Variants in TULP3 observed in about 807,000 individuals in gnomAD.
TULP3 encodes the protein tubby-related protein 3.
In TULP3, 38 loss-of-function variants were observed where a neutral mutation model predicts 50.7. The ratio of observed to expected loss-of-function variants is 0.75; its 90% CI spans 0.58 to 0.98. The LOEUF (loss-of-function observed/expected upper bound fraction) is 0.98, where lower values mean the gene tolerates loss of function less well. TULP3 is among the 50% of genes least tolerant of loss of function. The pLI is 0.00. For missense variants in TULP3, 550 were observed against 568.0 expected (o/e 0.97, Z 0.32); for synonymous variants, 183 against 196.6 (o/e 0.93, Z 0.58).
At position 2,922,319 on chromosome 12, in the gene TULP3, G is replaced by C; in HGVS notation, c.311G>C (p.Ser104Thr). The change falls in exon 4 of 11, where the codon AGC becomes ACC. Residue 104 changes from serine to threonine, a missense_variant. Transcript: ENST00000448120. ...GACGAAGTTCATGCTCCATCAGTAA[G>C]CTCCTCTGTTGTGGAAGAAGATGCT... Reference protein sequence around the residue: ...KPDEVHAPSVSSSVVEEDAEN... With the variant: ...KPDEVHAPSVTSSVVEEDAEN... 6.2e-7 allele frequency: 1 copy of C among 1,614,130 alleles called. No homozygotes were observed. Among genetic ancestry groups the C allele is most frequent in the Non-Finnish European group, 8.5e-7 (1 of 1,180,022 alleles).
At chr12:2,911,357 T>G (rs1384958372) in intron 2 of TULP3, among the ~76,000 whole-genome samples, 5 of 144,376 alleles carry the variant, frequency 3.5e-5, no homozygotes, top group Admixed American at 2.1e-4. Flanking sequence ...AGTCAGTGAA[T>G]TTTTTTTTTT....
rs2098197733 is a variant in TULP3, at chr12:2,931,069, C to T, written c.525C>T (p.Ala175=). 1 of 1,613,978 alleles carries T rather than the reference C, an allele frequency of 6.2e-7. No individual in the cohort carries two copies. The highest frequency in any genetic ancestry group is 8.5e-7 in the Non-Finnish European group (1 of 1,180,044). ...DTGTSGSATA[A]QPADNLLGDI... ...GCACTTCCGGTTCTGCTACTGCCGC[C>T]CAACCAGCTGATAACCTCCTGGGAG... Residue 175 remains alanine, a synonymous_variant, in exon 6 of 11, where the codon GCC becomes GCT. Transcript: ENST00000448120.
chr12:2,931,414 C>T (rs2098197986), intron 6 of TULP3, among the ~76,000 whole-genome samples, 174 bp downstream of exon 6: 1 of 152,190 alleles, frequency 6.6e-6, no homozygotes, highest in South Asian at 2.1e-4. Context: ...AGCTCATGGT[C>T]TAATAGGCAG....
rs1217637202 is a variant in TULP3, at chr12:2,933,481, G to C, written c.760G>C (p.Asp254His). The change falls in exon 7 of 11, where the codon GAT becomes CAT. Residue 254 changes from aspartate to histidine, a missense_variant. Coordinates refer to ENST00000448120, the MANE Select transcript of TULP3 (RefSeq NM_003324.5). ...SKTANYLISI[D>H]PVDLSREGES... The stretch of plus-strand genomic sequence containing the variant: ...AACAGCCAACTACCTTATCTCCATT[G>C]ATCCAGTTGATTTATCTCGTGAAGG... 4 of 1,614,008 alleles carry C rather than the reference G, an allele frequency of 2.5e-6. No homozygotes were observed. The highest frequency in any genetic ancestry group is 3.4e-6 in the Non-Finnish European group (4 of 1,179,982).
intron 2 of TULP3, among the ~76,000 whole-genome samples, chr12:2,911,488 G>T (rs1164375546): frequency 2.6e-5 from 4 of 151,172 alleles, no homozygotes; most frequent in African/African-American, 9.7e-5. Flanking sequence ...AAGTAGCTAG[G>T]ACTACAGGCG....
At chr12:2,923,061 T>C (rs1440770431) in intron 4 of TULP3, among the ~76,000 whole-genome samples, 1 of 151,890 alleles carries the variant, frequency 6.6e-6, no homozygotes, top group African/African-American at 2.4e-5. Flanking sequence ...TTCACGGTGT[T>C]AGCCAGGATG....
Position 2,939,850 on chromosome 12 carries a change from A to T in TULP3, c.*406A>T. The T allele has an allele frequency of 8.4e-7, 1 of 1,194,866 alleles. No individual in the cohort carries two copies. Among genetic ancestry groups the T allele is most frequent in the Non-Finnish European group, 1.1e-6 (1 of 944,226 alleles). 74.0% of individuals were successfully genotyped at this position (1,194,866 alleles called of 1,614,324 possible). On this transcript the variant is annotated 3_prime_UTR_variant, in exon 11 of 11. Coordinates refer to ENST00000448120, the MANE Select transcript of TULP3 (RefSeq NM_003324.5). The surrounding 1 kb of genome is among the most constrained non-coding windows in gnomAD (Gnocchi z 4.0). ...CTCTCACTCCTTTTCCAGGTTTCAT[A>T]GACTTGGTGAGGGATCACAGCTTAG...
At chr12:2,891,377 A>C (rs1168504780) in intron 1 of TULP3, among the ~76,000 whole-genome samples, 1 of 151,954 alleles carries the variant, frequency 6.6e-6, no homozygotes, top group African/African-American at 2.4e-5. Flanking sequence ...CCCTCCCGGG[A>C]GGCGGTGCGG....
At position 2,938,164 on chromosome 12, in the gene TULP3, G is replaced by C. The variant is rs758148903; in HGVS notation, c.1074G>C (p.Leu358=). Residue 358 remains leucine (L), a synonymous_variant, in exon 10 of 11, where the codon CTG becomes CTC. Coordinates refer to ENST00000448120, the MANE Select transcript of TULP3 (RefSeq NM_003324.5). ...SRWQNRTMEN[L]VELHNKAPVW... Reference sequence around the variant, plus strand: ...GGCAGAACAGAACTATGGAAAATCTGGTTGAGCTGCACAACAAGGCCCCCG... The same window carrying C: ...GGCAGAACAGAACTATGGAAAATCTCGTTGAGCTGCACAACAAGGCCCCCG... 1 of 1,614,052 alleles carries C rather than the reference G, an allele frequency of 6.2e-7. No individual in the cohort carries two copies. The highest frequency in any genetic ancestry group is 8.5e-7 in the Non-Finnish European group (1 of 1,180,046).
At chr12:2,924,450 G>T (rs941853905) in intron 4 of TULP3, among the ~76,000 whole-genome samples, 2 of 152,090 alleles carry the variant, frequency 1.3e-5, no homozygotes, top group Non-Finnish European at 2.9e-5. Context: ...GGCTGAGGTG[G>T]GAGTATTGCT....
intron 4 of TULP3, among the ~76,000 whole-genome samples, chr12:2,929,360 G>A (rs1017418852): frequency 6.6e-6 from 1 of 152,102 alleles, no homozygotes; most frequent in African/African-American, 2.4e-5. Context: ...CCCAGGCTGG[G>A]GTGCAGTGGC....
rs143303796 is a variant in TULP3, at chr12:2,918,730, G to A, written c.94-2033G>A. The stretch of plus-strand genomic sequence containing the variant: ...AATTTTTGTGTTTTTAGTAGAGACG[G>A]GGTTTCTCCATGTTGGTCAGGCTGG... On this transcript the variant is annotated intron_variant, in intron 2 of 10. Transcript: ENST00000448120. 3.4e-3 allele frequency among the ~76,000 whole-genome samples: 511 copies of A among 151,604 alleles called. 3 individuals carry two copies. The highest frequency in any genetic ancestry group is 0.012 in the African/African-American group (487 of 41,314).
Position 2,939,623 on chromosome 12 carries a change from C to G in TULP3, c.*179C>G. 7.2e-7 allele frequency: 1 copy of G among 1,398,380 alleles called. No homozygotes were observed. The highest frequency in any genetic ancestry group is 1.6e-5 in the South Asian group (1 of 64,164). 86.6% of individuals were successfully genotyped at this position (1,398,380 alleles called of 1,614,324 possible). On this transcript the variant is annotated 3_prime_UTR_variant, in exon 11 of 11. Coordinates refer to ENST00000448120, the MANE Select transcript of TULP3 (RefSeq NM_003324.5). This position sits in a 1 kb window ranked among gnomAD's most constrained non-coding sequence, Gnocchi z 4.0. ...TAGTTTGCCCCTTTTGGAACGACCCCTGAATATATAAAACACACACACGAA... is the reference window on the plus strand; with the variant it reads ...TAGTTTGCCCCTTTTGGAACGACCCGTGAATATATAAAACACACACACGAA...
rs190965703 is a variant in TULP3 at position 2,910,323 on chromosome 12, G to A, written c.93+743G>A. On this transcript the variant is annotated intron_variant, in intron 2 of 10. Coordinates refer to ENST00000448120, the MANE Select transcript of TULP3 (RefSeq NM_003324.5). ...CGCATAGAGAATAATTTTCTTCACA[G>A]AGCTGCTGGCACATTTAGTTTGTTT... Among the ~76,000 whole-genome samples the A allele has an allele frequency of 5.5e-4, 84 of 152,180 alleles. 2 individuals carry two copies. In the Middle Eastern group the frequency reaches 0.014, roughly 25 times the overall value.
intron 2 of TULP3, among the ~76,000 whole-genome samples, chr12:2,916,049 G>C (rs150243310): frequency 1.8e-3 from 269 of 152,050 alleles, no homozygotes; most frequent in Non-Finnish European, 3.0e-3. Context: ...TTGCTCTGTT[G>C]CCCAGGCTGG....
At chr12:2,918,452 A>G (rs2098189933) in intron 2 of TULP3, among the ~76,000 whole-genome samples, 4 of 151,970 alleles carry the variant, frequency 2.6e-5, no homozygotes, top group Admixed American at 2.0e-4. Flanking sequence ...TTCACAGACT[A>G]TGTATGAGAT....
intron 2 of TULP3, among the ~76,000 whole-genome samples, chr12:2,910,964 A>T (rs952755879): frequency 2.0e-5 from 3 of 152,160 alleles, no homozygotes; most frequent in Admixed American, 6.6e-5. Flanking sequence ...TTTTATTCTT[A>T]GGCATCCTAG....
chr12:2,928,685 G>A (rs2098196049), intron 4 of TULP3, among the ~76,000 whole-genome samples: 1 of 151,382 alleles, frequency 6.6e-6, no homozygotes, highest in African/African-American at 2.4e-5. Context: ...GCTCACACCT[G>A]TAATCCCAGC....
At chr12:2,921,515 G>A (rs1398340008) in intron 3 of TULP3, among the ~76,000 whole-genome samples, 3 of 152,128 alleles carry the variant, frequency 2.0e-5, no homozygotes, top group South Asian at 2.1e-4. Context: ...TTGTTAAATC[G>A]TGGCAGAGGT....
Sources: gnomAD v4.1 joint callset for allele counts (sites outside exome capture counted in the v4.1 genomes callset) on GRCh38, gnomAD v4.1.1 for gene constraint, Gnocchi (gnomAD v3.1) non-coding constraint, MANE v1.5 for transcripts, NCBI Gene and HGNC (gene_info 2026-07-23, HGNC 2026-07-21) for gene names.